IL6R: variants seen among roughly 807,000 people sequenced by gnomAD.
IL6R encodes the protein interleukin 6 receptor.
IL6R carries 38 observed loss-of-function variants against 48.3 expected under a neutral mutation model. The observed-to-expected ratio is 0.79, with a 90% CI of 0.61 to 1.03. The LOEUF is 1.03. Ranked by LOEUF, IL6R falls within the 50% of genes least tolerant of loss-of-function variation. The pLI is 0.00. For synonymous variants in IL6R, 264 were observed against 256.2 expected (o/e 1.03, Z -0.29); for missense variants, 534 against 618.3 (o/e 0.86, Z 1.45).
At chr1:154,462,805 A>T (rs569712496) in intron 9 of IL6R, among the ~76,000 whole-genome samples, 100 of 152,076 alleles carry the variant, frequency 6.6e-4, no homozygotes, top group African/African-American at 2.0e-3. Flanking sequence ...TTATTTAATT[A>T]ATTAATTAAT....
chr1:154,451,754 T>C (rs527985238), intron 8 of IL6R, among the ~76,000 whole-genome samples: 1 of 152,146 alleles, frequency 6.6e-6, no homozygotes, highest in East Asian at 1.9e-4. Context: ...CAGGCTGGAC[T>C]CGAACTCCCC....
At chr1:154,456,548 C>T (rs754589248) in intron 9 of IL6R, among the ~76,000 whole-genome samples, 10 of 152,228 alleles carry the variant, frequency 6.6e-5, no homozygotes, top group African/African-American at 2.4e-4. Context: ...GGCTTGACAA[C>T]AGATTAGATG....
chr1:154,418,610 G>A (rs1204660678), intron 1 of IL6R, among the ~76,000 whole-genome samples: 3 of 152,212 alleles, frequency 2.0e-5, no homozygotes, highest in Non-Finnish European at 4.4e-5. Context: ...GAGCCTGGGA[G>A]CCTTGACTTG....
chr1:154,420,642 T>G (rs1688609578), intron 1 of IL6R, among the ~76,000 whole-genome samples: 1 of 151,770 alleles, frequency 6.6e-6, no homozygotes, highest in Non-Finnish European at 1.5e-5. Flanking sequence ...TTCAAGCGAT[T>G]CTCATGCCTC....
chr1:154,453,090 A>G (rs1570998994), intron 8 of IL6R, among the ~76,000 whole-genome samples: 1 of 151,998 alleles, frequency 6.6e-6, no homozygotes, highest in African/African-American at 2.4e-5. Flanking sequence ...CTATTGTCCC[A>G]GGTACTTGGG....
At chr1:154,425,282 G>A (rs929161898) in intron 1 of IL6R, among the ~76,000 whole-genome samples, 2 of 152,094 alleles carry the variant, frequency 1.3e-5, no homozygotes, top group Admixed American at 6.5e-5. Flanking sequence ...GGTCACACAC[G>A]CCAACACCAG....
In IL6R at chr1:154,448,202, G is replaced by A. The variant is rs1181828249; in HGVS notation, c.996+31G>A. The A allele has an allele frequency of 3.8e-6, 6 of 1,595,832 alleles. No individual in the cohort carries two copies. In the African/African-American group the frequency reaches 6.7e-5, roughly 18 times the overall value. On this transcript the variant is annotated intron_variant, in intron 7 of 9. Transcript: ENST00000368485. Reference sequence around the variant, plus strand: ...CTCCTGTTCTTGTAAAAGGGTCAGGGCTGCAGCACCTCGTGTTTAGGAGTG... The same window carrying A: ...CTCCTGTTCTTGTAAAAGGGTCAGGACTGCAGCACCTCGTGTTTAGGAGTG...
At chr1:154,440,645 T>A (rs931134813) in intron 6 of IL6R, among the ~76,000 whole-genome samples, 2 of 148,200 alleles carry the variant, frequency 1.3e-5, no homozygotes, top group South Asian at 4.2e-4. Context: ...ATTTCCCTAA[T>A]GATTAATGTC....
At chr1:154,412,582 G>A (rs1432899594) in intron 1 of IL6R, among the ~76,000 whole-genome samples, 1 of 152,190 alleles carries the variant, frequency 6.6e-6, no homozygotes, top group Non-Finnish European at 1.5e-5. Flanking sequence ...TTGATGGGAG[G>A]AGGGGGATGC....
In IL6R at chr1:154,436,020, A is replaced by C; in HGVS notation, c.859A>C (p.Arg287=). 6.2e-7 allele frequency: 1 copy of C among 1,612,780 alleles called. No individual in the cohort carries two copies. Among genetic ancestry groups the C allele is most frequent in the South Asian group, 1.1e-5 (1 of 90,806 alleles). The part of the protein sequence containing the change: ...CVIHDAWSGL[R]HVVQLRAQEE... ...CATCCACGACGCCTGGAGCGGCCTGAGGCACGTGGTGCAGCTTCGTGCCCA... is the reference window on the plus strand; with the variant it reads ...CATCCACGACGCCTGGAGCGGCCTGCGGCACGTGGTGCAGCTTCGTGCCCA... Residue 287 remains arginine (R), a synonymous_variant, in exon 6 of 10, where the codon AGG becomes CGG. Transcript: ENST00000368485.
Position 154,467,409 on chromosome 1 carries a change from T to G in IL6R, c.*2029T>G, listed in dbSNP as rs1469997435. 7.3e-6 allele frequency: 1 copy of G among 136,582 alleles called. No individual in the cohort carries two copies. The highest frequency in any genetic ancestry group is 1.5e-5 in the Non-Finnish European group (1 of 66,504). 8.5% of individuals were successfully genotyped at this position (136,582 alleles called of 1,614,324 possible). On this transcript the variant is annotated 3_prime_UTR_variant, in exon 10 of 10. Transcript: ENST00000368485. ...CCCAATATTTACCAGACCACAAAAC[T>G]TTTCTAATACTCTACCCTCTTAGAA...
intron 1 of IL6R, among the ~76,000 whole-genome samples, chr1:154,425,711 T>C (rs1373077078): frequency 6.6e-6 from 1 of 151,466 alleles, no homozygotes; most frequent in African/African-American, 2.4e-5. Context: ...GAATTAGAAG[T>C]TGCAGTGAAC....
Position 154,405,429 on chromosome 1 carries a change from GGA to G in IL6R, c.-197_-196del, listed in dbSNP as rs1687642939. 2 of 540,014 alleles carry G rather than the reference GGA, an allele frequency of 3.7e-6. No individual in the cohort carries two copies. The highest frequency in any genetic ancestry group is 6.8e-5 in the East Asian group (2 of 29,274). The allele number at this position is 540,014 out of a possible 1,614,324, so 33.5% of individuals were successfully genotyped here. ...GCACTGACACTGAGCCGGGCCAGAG[GGA>G]GAGGAGCCGAGCGCGGCGCGGGGCC... is the stretch of plus-strand genomic sequence containing the variant. On this transcript the variant is annotated 5_prime_UTR_variant, in exon 1 of 10. An upstream open reading frame in the 5' UTR loses its in-frame stop. Coordinates refer to ENST00000368485, the MANE Select transcript of IL6R (RefSeq NM_000565.4). This position sits in a 1 kb window ranked among gnomAD's most constrained non-coding sequence, Gnocchi z 5.2.
chr1:154,439,309 T>G (rs188524144), intron 6 of IL6R, among the ~76,000 whole-genome samples: 2 of 152,302 alleles, frequency 1.3e-5, no homozygotes, highest in Admixed American at 1.3e-4. Flanking sequence ...AGATTTACCA[T>G]TTATATTATT....
At chr1:154,434,030 T>C (rs949652283) in intron 3 of IL6R, among the ~76,000 whole-genome samples, 9 of 151,894 alleles carry the variant, frequency 5.9e-5, no homozygotes, top group Admixed American at 2.0e-4. Context: ...CCCGGCCTTA[T>C]TTCTCAGTCT....
At chr1:154,433,475 A>G (rs1481966198) in intron 3 of IL6R, among the ~76,000 whole-genome samples, 5 of 152,186 alleles carry the variant, frequency 3.3e-5, no homozygotes, top group Non-Finnish European at 5.9e-5. Context: ...GTGTCTAGTC[A>G]TCTGAGGACA....
At chr1:154,423,878 C>G (rs1283575586) in intron 1 of IL6R, among the ~76,000 whole-genome samples, 1 of 152,198 alleles carries the variant, frequency 6.6e-6, no homozygotes. Context: ...TTTGGTATTT[C>G]TCTGAGCTGC....
In IL6R at chr1:154,410,253, C is replaced by CT. The variant is rs140751039; in HGVS notation, c.85+4553dup. Among the ~76,000 whole-genome samples, 1,172 of 144,058 alleles carry CT rather than the reference C, an allele frequency of 8.1e-3. 15 individuals are homozygous for CT. The highest frequency in any genetic ancestry group is 0.024 in the African/African-American group (950 of 39,232). 94.5% of individuals were successfully genotyped at this position (144,058 alleles called of 152,430 possible). A position where few individuals can be genotyped will look rare whatever the true frequency, so the allele number is the denominator to read the frequency against. On this transcript the variant is annotated intron_variant, in intron 1 of 9. Coordinates refer to ENST00000368485, the MANE Select transcript of IL6R (RefSeq NM_000565.4). ...AAGGGGAAGGTGACAAAGAAAAGGC[C>CT]TTTTTTTTTTTTTTAAATACAGGAT...
At chr1:154,462,125 A>T (rs754508368) in intron 9 of IL6R, among the ~76,000 whole-genome samples, 1 of 152,170 alleles carries the variant, frequency 6.6e-6, no homozygotes, top group South Asian at 2.1e-4. Flanking sequence ...AACTATTAAT[A>T]TATTTCTGTC....
Sources: allele counts gnomAD v4.1 joint callset (sites outside exome capture counted in the v4.1 genomes callset), GRCh38; gene constraint gnomAD v4.1.1; non-coding constraint Gnocchi (gnomAD v3.1); transcripts MANE v1.5; gene names NCBI Gene and HGNC (gene_info 2026-07-23, HGNC 2026-07-21).